The following STPG2 variants were observed in gnomAD, a reference collection of about 807,000 sequenced individuals.
STPG2 encodes the protein sperm tail PG-rich repeat containing 2.
A neutral mutation model predicts 54.2 loss-of-function variants in STPG2; 56 were observed. That is an observed-to-expected ratio of 1.03 (90% CI 0.83 to 1.29). The LOEUF (loss-of-function observed/expected upper bound fraction) is 1.29. Ranked by LOEUF, STPG2 falls within the 50% of genes most tolerant of loss-of-function variation. STPG2 has a pLI of 0.00. For missense variants in STPG2, 596 were observed against 544.9 expected (o/e 1.09, Z -0.93); for synonymous variants, 200 against 181.8 (o/e 1.10, Z -0.81).
At chr4:97,649,825 G>C (rs2148952314) in intron 10 of STPG2, among the ~76,000 whole-genome samples, 1 of 152,112 alleles carries the variant, frequency 6.6e-6, no homozygotes, top group Non-Finnish European at 1.5e-5. Context: ...CAGACCAGGG[G>C]GGACGGCATG....
intron 4 of STPG2, among the ~76,000 whole-genome samples, chr4:97,471,179 A>G (rs1226372579): frequency 9.2e-5 from 14 of 152,156 alleles, no homozygotes; most frequent in Non-Finnish European, 1.5e-5. Context: ...TTTACCACTT[A>G]GTATATTTGG....
At chr4:97,758,268 T>C (rs1449974943) in intron 9 of STPG2, among the ~76,000 whole-genome samples, 5 of 152,180 alleles carry the variant, frequency 3.3e-5, no homozygotes, top group Admixed American at 1.3e-4. Flanking sequence ...AAAAGGACTC[T>C]TATAAAATAA....
chr4:97,872,387 A>AT (rs1730022001), intron 8 of STPG2, among the ~76,000 whole-genome samples: 1 of 151,266 alleles, frequency 6.6e-6, no homozygotes, highest in African/African-American at 2.4e-5. Flanking sequence ...GGAAAATCCT[A>AT]AAGACTCAGT....
At chr4:97,900,545 GGATAA>G (rs1731136256) in intron 8 of STPG2, among the ~76,000 whole-genome samples, 1 of 152,030 alleles carries the variant, frequency 6.6e-6, no homozygotes, top group African/African-American at 2.4e-5. Context: ...ATGACAGACT[GGATAA>G]AGAAAATGTG....
chr4:97,736,332 C>A (rs1370068887), intron 9 of STPG2, among the ~76,000 whole-genome samples: 1 of 152,292 alleles, frequency 6.6e-6, no homozygotes, highest in East Asian at 1.9e-4. Flanking sequence ...AGGTTCATCT[C>A]ACTAGGGAGT....
At chr4:98,052,018 C>T (rs181686741) in intron 5 of STPG2, among the ~76,000 whole-genome samples, 162 of 149,502 alleles carry the variant, frequency 1.1e-3, no homozygotes, top group African/African-American at 3.8e-3. Context: ...ACACGGGAGG[C>T]GGAGGTTGAA....
intron 5 of STPG2, among the ~76,000 whole-genome samples, chr4:98,102,234 C>T (rs1739059635): frequency 6.6e-6 from 1 of 152,196 alleles, no homozygotes. Flanking sequence ...AATAAAATTA[C>T]TGGATCTCCT....
At chr4:97,617,538 C>T (rs892278352) in intron 10 of STPG2, among the ~76,000 whole-genome samples, 5 of 152,058 alleles carry the variant, frequency 3.3e-5, no homozygotes, top group African/African-American at 1.2e-4. Context: ...GCTTTGGTGG[C>T]GTTAGTAGGT....
intron 9 of STPG2, among the ~76,000 whole-genome samples, chr4:97,759,559 A>G (rs962689112): frequency 2.0e-5 from 3 of 152,180 alleles, no homozygotes; most frequent in Non-Finnish European, 4.4e-5. Context: ...ACTTTTAGCA[A>G]TATTGCAAGG....
At chr4:97,536,358 C>T (rs1731530832) in intron 4 of STPG2, among the ~76,000 whole-genome samples, 1 of 152,020 alleles carries the variant, frequency 6.6e-6, no homozygotes, top group Admixed American at 6.6e-5. Flanking sequence ...CTATGCTGTT[C>T]TCATTATAGT....
chr4:97,962,160 GGAAGCAAAGGCATAA>G (rs1733912169), intron 7 of STPG2, among the ~76,000 whole-genome samples: 1 of 152,124 alleles, frequency 6.6e-6, no homozygotes, highest in Non-Finnish European at 1.5e-5. Context: ...TAAGCTACGA[GGAAGCAAAGGCATAA>G]GAATGACACA....
intron 5 of STPG2, among the ~76,000 whole-genome samples, chr4:98,082,729 G>T (rs1219003153): frequency 6.6e-6 from 1 of 151,844 alleles, no homozygotes; most frequent in Non-Finnish European, 1.5e-5. Flanking sequence ...TGGGATTACA[G>T]GTGTGAGCCA....
chr4:97,755,979 T>G (rs1725720809), intron 9 of STPG2, among the ~76,000 whole-genome samples: 1 of 152,146 alleles, frequency 6.6e-6, no homozygotes, highest in African/African-American at 2.4e-5. Context: ...AGATAAGCCC[T>G]TCAAATTCAG....
intron 5 of STPG2, among the ~76,000 whole-genome samples, chr4:98,034,456 A>G (rs1435155080): frequency 6.6e-6 from 1 of 152,198 alleles, no homozygotes; most frequent in African/African-American, 2.4e-5. Flanking sequence ...AGAGGACACA[A>G]ACAAATGGAA....
At chr4:97,450,160 T>TAATAAAA (rs1463757613) in intron 4 of STPG2, among the ~76,000 whole-genome samples, 1 of 151,806 alleles carries the variant, frequency 6.6e-6, no homozygotes, top group Non-Finnish European at 1.5e-5. Context: ...CTTAGAAAAA[T>TAATAAAA]AATAAAAAAT....
intron 7 of STPG2, among the ~76,000 whole-genome samples, chr4:97,949,852 T>C (rs1431973511): frequency 6.6e-6 from 1 of 151,078 alleles, no homozygotes; most frequent in Non-Finnish European, 1.5e-5. Flanking sequence ...GCTAGATGAC[T>C]ATATGCCTTT....
At chr4:97,919,920 AT>A (rs1480803395) in intron 8 of STPG2, among the ~76,000 whole-genome samples, 1 of 152,180 alleles carries the variant, frequency 6.6e-6, no homozygotes, top group Non-Finnish European at 1.5e-5. Context: ...CCCTCCTTGA[AT>A]TTATTGAATA....
rs1005216454 is a variant in STPG2 at position 97,821,349 on chromosome 4, A to T, written c.1204+19424T>A. Among the ~76,000 whole-genome samples, 4 of 152,116 alleles carry T rather than the reference A, an allele frequency of 2.6e-5. No individual in the cohort carries two copies. In the South Asian group the frequency reaches 8.3e-4, roughly 32 times the overall value. On this transcript the variant is annotated intron_variant, in intron 9 of 10. Transcript: ENST00000295268. ...GAGTGGGCTTTCTAGACCTTGGGCAACTCTGCCCCTGTGTCTCTGCAGGAT... is the reference window on the plus strand; with the variant it reads ...GAGTGGGCTTTCTAGACCTTGGGCATCTCTGCCCCTGTGTCTCTGCAGGAT...
intron 4 of STPG2, among the ~76,000 whole-genome samples, chr4:97,466,163 T>C (rs1051535093): frequency 1.3e-5 from 2 of 152,074 alleles, no homozygotes; most frequent in Admixed American, 6.6e-5. Context: ...AAGCCCACCA[T>C]TTGAATTTTT....
Sources: gnomAD v4.1 joint callset for allele counts (sites outside exome capture counted in the v4.1 genomes callset) on GRCh38, gnomAD v4.1.1 for gene constraint, MANE v1.5 for transcripts, NCBI Gene and HGNC (gene_info 2026-07-23, HGNC 2026-07-21) for gene names.